SCAF8: variants seen among roughly 807,000 people sequenced by gnomAD.
SCAF8 encodes SR-related and CTD-associated factor 8.
SCAF8 carries 23 observed loss-of-function variants against 140.5 expected under a neutral mutation model. The observed-to-expected ratio is 0.16, with a 90% confidence interval of 0.12 to 0.23. The LOEUF (loss-of-function observed/expected upper bound fraction) is 0.23. Ranked by LOEUF, SCAF8 falls within the 10% of genes least tolerant of loss-of-function variation. The pLI is 1.00. For missense variants in SCAF8, 1,397 were observed against 1,555.7 expected, an observed-to-expected ratio of 0.90 and a Z score of 1.72; for synonymous variants, 575 against 528.9, an observed-to-expected ratio of 1.09 and a Z score of -1.20.
At chr6:154,760,218 C>T (rs560351470) in intron 1 of SCAF8, among the ~76,000 whole-genome samples, 4 of 152,098 alleles carry the variant, frequency 2.6e-5, no homozygotes, top group South Asian at 2.1e-4. Context: ...CACTTTAACC[C>T]GGGTGGTGGA....
chr6:154,741,462 A>G (rs975730933), intron 1 of SCAF8, among the ~76,000 whole-genome samples: 20 of 151,734 alleles, frequency 1.3e-4, no homozygotes, highest in Non-Finnish European at 8.8e-5. Flanking sequence ...GCTGGAGTGC[A>G]GAGGCATGAT....
intron 1 of SCAF8, among the ~76,000 whole-genome samples, chr6:154,744,397 AAAG>A (rs1778646132): frequency 6.6e-6 from 1 of 152,224 alleles, no homozygotes; most frequent in African/African-American, 2.4e-5. Context: ...AAAAGAAAAA[AAAG>A]GAGGTATTAG....
chr6:154,764,640 C>G (rs542624960), intron 1 of SCAF8, among the ~76,000 whole-genome samples: 1 of 152,152 alleles, frequency 6.6e-6, no homozygotes, highest in Admixed American at 6.6e-5. Context: ...GGAGCCAGAT[C>G]CCAAGAAGTA....
At chr6:154,769,743 G>A (rs1776682250) in intron 1 of SCAF8, among the ~76,000 whole-genome samples, 1 of 152,186 alleles carries the variant, frequency 6.6e-6, no homozygotes, top group Non-Finnish European at 1.5e-5. Context: ...AGATCTTTCT[G>A]TACAAAGCTT....
At chr6:154,778,768 A>AGTGTGTGTGT (rs201081536) in intron 3 of SCAF8, among the ~76,000 whole-genome samples, 79 of 117,594 alleles carry the variant, frequency 6.7e-4, no homozygotes, top group Admixed American at 2.8e-3. Context: ...TGTCTCAAAA[A>AGTGTGTGTGT]ATGTGTGTGT....
Position 154,787,780 on chromosome 6 carries a change from A to T in SCAF8, c.160-81A>T, listed in dbSNP as rs1583034718. ...GCATAGGCAATGTCTTTGTATTTAC[A>T]CAGGATTTTTGATGATTTTTGTCTA... On this transcript the variant is annotated intron_variant, in intron 3 of 19. Transcript: ENST00000367178. 5 of 1,171,804 alleles carry T rather than the reference A, an allele frequency of 4.3e-6. No individual in the cohort carries two copies. In the East Asian group the frequency reaches 1.2e-4, roughly 28 times the overall value. 72.6% of individuals were successfully genotyped at this position (1,171,804 alleles called of 1,614,324 possible).
intron 6 of SCAF8, among the ~76,000 whole-genome samples, chr6:154,796,393 G>GTCTGTCTGTCTC (rs1357675861): frequency 2.5e-5 from 2 of 80,142 alleles, no homozygotes; most frequent in African/African-American, 6.1e-5. Context: ...CTCTCTCTCT[G>GTCTGTCTGTCTC]TCTCTCTCTT....
chr6:154,733,798 C>T lies in SCAF8; in HGVS notation c.-103C>T, dbSNP rs750987821. Reference sequence around the variant, plus strand: ...CAGCGGCCCGCTCTCCCGCCAGCGCCCCCTCCTCGCGGCCACGCAGCAGCC... The same window carrying T: ...CAGCGGCCCGCTCTCCCGCCAGCGCTCCCTCCTCGCGGCCACGCAGCAGCC... On this transcript the variant is annotated 5_prime_UTR_variant, in exon 1 of 20. Coordinates refer to ENST00000367178, the MANE Select transcript of SCAF8 (RefSeq NM_014892.5). 1.5e-5 allele frequency: 22 copies of T among 1,421,160 alleles called. No individual in the cohort carries two copies. The highest frequency in any genetic ancestry group is 2.9e-5 in the East Asian group (1 of 34,510). The allele number at this position is 1,421,160 out of a possible 1,614,324, so 88.0% of individuals were successfully genotyped here. A position where few individuals can be genotyped will look rare whatever the true frequency, so the allele number is the denominator to read the frequency against.
At chr6:154,761,480 G>C (rs1221914823) in intron 1 of SCAF8, among the ~76,000 whole-genome samples, 1 of 152,164 alleles carries the variant, frequency 6.6e-6, no homozygotes, top group African/African-American at 2.4e-5. Flanking sequence ...GCAATAGAGA[G>C]AGACCCCTTC....
chr6:154,788,939 A>C (rs1777330837), intron 4 of SCAF8, among the ~76,000 whole-genome samples: 3 of 152,162 alleles, frequency 2.0e-5, no homozygotes, highest in Admixed American at 2.0e-4. Context: ...AAAGATGAGA[A>C]TAGATGAAGA....
chr6:154,755,988 A>G (rs1778957181), intron 1 of SCAF8, among the ~76,000 whole-genome samples: 1 of 152,236 alleles, frequency 6.6e-6, no homozygotes, highest in Admixed American at 6.5e-5. Flanking sequence ...TGTAACTGGA[A>G]TGCTCTTTTC....
At chr6:154,769,810 C>A (rs1210478823) in intron 1 of SCAF8, among the ~76,000 whole-genome samples, 1 of 152,124 alleles carries the variant, frequency 6.6e-6, no homozygotes, top group Non-Finnish European at 1.5e-5. Context: ...TAACAAATAT[C>A]TATTCTCTGC....
At position 154,748,825 on chromosome 6, in the gene SCAF8, A is replaced by G. The variant is rs1048651284; in HGVS notation, c.30+14895A>G. 8.5e-5 allele frequency among the ~76,000 whole-genome samples: 13 copies of G among 152,256 alleles called. No individual in the cohort carries two copies. In the East Asian group the frequency reaches 2.5e-3, roughly 29 times the overall value. ...GAGGCTGCAGCATCATTCTTGTGCA[A>G]AATTTCCTAATCAGTACTTTGATTT... On this transcript the variant is annotated intron_variant, in intron 1 of 19. Coordinates refer to ENST00000367178, the MANE Select transcript of SCAF8 (RefSeq NM_014892.5).
At position 154,832,087 on chromosome 6, in the gene SCAF8, T is replaced by C. The variant is rs1778760375; in HGVS notation, c.2508T>C (p.Ser836=). 1 of 1,614,112 alleles carries C rather than the reference T, an allele frequency of 6.2e-7. No homozygotes were observed. Among genetic ancestry groups the C allele is most frequent in the Non-Finnish European group, 8.5e-7 (1 of 1,179,980 alleles). The change falls in exon 20 of 20, where the codon AGT becomes AGC. Residue 836 remains serine, a synonymous_variant. Coordinates refer to ENST00000367178, the MANE Select transcript of SCAF8 (RefSeq NM_014892.5). ...GGGTCCGGCCATCTAATGTTTCCAGTAGTTCTGGGATTATTGCAGCCCAAC... is the reference window on the plus strand; with the variant it reads ...GGGTCCGGCCATCTAATGTTTCCAGCAGTTCTGGGATTATTGCAGCCCAAC... The part of the protein sequence containing the change: ...ILGVRPSNVS[S]SSGIIAAQPP...
At chr6:154,799,260 G>A (rs1777698370) in intron 6 of SCAF8, among the ~76,000 whole-genome samples, 1 of 151,178 alleles carries the variant, frequency 6.6e-6, no homozygotes, top group East Asian at 1.9e-4. Flanking sequence ...TTACAGGCAT[G>A]AGCCACCGTG....
At chr6:154,750,737 T>C (rs1188061830) in intron 1 of SCAF8, among the ~76,000 whole-genome samples, 1 of 152,218 alleles carries the variant, frequency 6.6e-6, no homozygotes, top group Non-Finnish European at 1.5e-5. Context: ...TTAAGTCTAC[T>C]GTAAGCAATT....
intron 15 of SCAF8, among the ~76,000 whole-genome samples, chr6:154,821,136 A>G (rs1436497600): frequency 6.6e-6 from 1 of 152,138 alleles, no homozygotes; most frequent in African/African-American, 2.4e-5. Flanking sequence ...TGTCAGGCCC[A>G]ATTTTAGGAA....
At chr6:154,751,803 A>T (rs535303075) in intron 1 of SCAF8, among the ~76,000 whole-genome samples, 3 of 152,292 alleles carry the variant, frequency 2.0e-5, no homozygotes, top group Non-Finnish European at 1.5e-5. Flanking sequence ...TTAATATTTC[A>T]TGTTAACTCT....
At chr6:154,763,083 A>C (rs1417069493) in intron 1 of SCAF8, among the ~76,000 whole-genome samples, 2 of 151,942 alleles carry the variant, frequency 1.3e-5, no homozygotes, top group African/African-American at 4.8e-5. Context: ...TTTTCTTCTT[A>C]TTTCATCATT....
Sources: allele counts gnomAD v4.1 joint callset (sites outside exome capture counted in the v4.1 genomes callset), GRCh38; gene constraint gnomAD v4.1.1; transcripts MANE v1.5; gene names NCBI Gene and HGNC (gene_info 2026-07-23, HGNC 2026-07-21).